Variants in ADCY1 observed in about 807,000 individuals in gnomAD.
ADCY1 encodes adenylate cyclase 1, also known as adenylate cyclase type 1.
ADCY1 carries 28 observed loss-of-function variants against 105.4 expected under a neutral mutation model. The ratio of observed to expected loss-of-function variants is 0.27; its 90% CI spans 0.20 to 0.36. The LOEUF (loss-of-function observed/expected upper bound fraction) is 0.36. Ranked by LOEUF, ADCY1 falls within the 10% of genes least tolerant of loss-of-function variation. ADCY1 has a pLI of 1.00. For missense variants in ADCY1, 977 were observed against 1,434.2 expected (o/e 0.68, Z 5.15); for synonymous variants, 655 against 623.8 (o/e 1.05, Z -0.75).
At position 45,657,899 on chromosome 7, in the gene ADCY1, G is replaced by GT. The variant is rs1794985174; in HGVS notation, c.1307+14_1307+15insT. The GT allele has an allele frequency of 1.4e-5, 22 of 1,578,960 alleles. No individual in the cohort carries two copies. The highest frequency in any genetic ancestry group is 1.6e-5 in the Non-Finnish European group (19 of 1,156,550). On this transcript the variant is annotated intron_variant, in intron 6 of 19. Coordinates refer to ENST00000297323, the MANE Select transcript of ADCY1 (RefSeq NM_021116.4). ...TGGCCTGCCAGGGTAAGTCGGGGAT[G>GT]GGGTGGGGAGGGGAGGGAGGTGGGT...
rs1324372712 is a variant in ADCY1, at chr7:45,718,013, T to G, written c.*4018T>G. The G allele has an allele frequency of 6.6e-6, 1 of 152,386 alleles. No homozygotes were observed. Among genetic ancestry groups the G allele is most frequent in the Non-Finnish European group, 1.5e-5 (1 of 68,068 alleles). 9.4% of individuals were successfully genotyped at this position (152,386 alleles called of 1,614,324 possible). On this transcript the variant is annotated 3_prime_UTR_variant, in exon 20 of 20. Coordinates refer to ENST00000297323, the MANE Select transcript of ADCY1 (RefSeq NM_021116.4). ...GCGGGGAGCTGCCACTCCCAAAGCC[T>G]CCACCCCTTCCTGAAGACCCAGCTA...
At chr7:45,690,446 C>T (rs116579199) in intron 14 of ADCY1, among the ~76,000 whole-genome samples, 180 of 152,296 alleles carry the variant, frequency 1.2e-3, no homozygotes, top group African/African-American at 3.8e-3. Context: ...AGCCGGGAGA[C>T]GCAGCCAGTC....
At chr7:45,582,976 C>A (rs564218281) in intron 1 of ADCY1, among the ~76,000 whole-genome samples, 83 of 152,340 alleles carry the variant, frequency 5.4e-4, no homozygotes, top group Non-Finnish European at 6.0e-4. Flanking sequence ...GCTTTGATCT[C>A]CAGGCTTTAG....
At chr7:45,698,391 C>T (rs571800909) in intron 14 of ADCY1, among the ~76,000 whole-genome samples, 2 of 152,322 alleles carry the variant, frequency 1.3e-5, no homozygotes, top group South Asian at 4.1e-4. Flanking sequence ...AATCACATTT[C>T]TCCTCATGAA....
intron 14 of ADCY1, among the ~76,000 whole-genome samples, chr7:45,694,431 A>G (rs894830491): frequency 2.6e-5 from 4 of 152,210 alleles, no homozygotes; most frequent in Non-Finnish European, 4.4e-5. Flanking sequence ...ATGAAACTAC[A>G]TATGAGATCA....
intron 2 of ADCY1, 80 bp from the exon 3 acceptor site, chr7:45,610,299 C>G: frequency 7.6e-7 from 1 of 1,319,960 alleles, no homozygotes; most frequent in East Asian, 2.3e-5. Context: ...GGCCCGGCGC[C>G]CTTACTGGGG....
At chr7:45,635,017 A>G (rs1365851627) in intron 4 of ADCY1, among the ~76,000 whole-genome samples, 4 of 152,128 alleles carry the variant, frequency 2.6e-5, no homozygotes, top group African/African-American at 2.4e-5. Context: ...TAGAAATGGT[A>G]TTCTTTCTTT....
chr7:45,610,101 C>G (rs1349177011), intron 2 of ADCY1, among the ~76,000 whole-genome samples: 1 of 152,178 alleles, frequency 6.6e-6, no homozygotes, highest in Non-Finnish European at 1.5e-5. Flanking sequence ...AGTGTTTTCA[C>G]AGCTGTAACC....
chr7:45,659,366 A>G (rs1009746504), intron 6 of ADCY1, among the ~76,000 whole-genome samples: 2 of 152,214 alleles, frequency 1.3e-5, no homozygotes, highest in African/African-American at 4.8e-5. Context: ...TTTGCAGGGA[A>G]TGGTTTTGGA....
chr7:45,586,002 C>T (rs931969527), intron 1 of ADCY1, among the ~76,000 whole-genome samples: 2 of 152,196 alleles, frequency 1.3e-5, no homozygotes, highest in Admixed American at 6.5e-5. Flanking sequence ...ACGTGGGGAG[C>T]GGACTGTCTT....
Position 45,708,296 on chromosome 7 carries a change from C to A in ADCY1, c.2818-54C>A. ...TTGGGCACTGCAGGTTGGTCCCTGGCCCCCTCTTGCCTTGCACTCCCCAGA... is the reference window on the plus strand; with the variant it reads ...TTGGGCACTGCAGGTTGGTCCCTGGACCCCTCTTGCCTTGCACTCCCCAGA... On this transcript the variant is annotated intron_variant, in intron 17 of 19. Transcript: ENST00000297323. The surrounding 1 kb of genome is among the most constrained non-coding windows in gnomAD (Gnocchi z 4.7). 1 of 1,356,056 alleles carries A rather than the reference C, an allele frequency of 7.4e-7. No homozygotes were observed. Among genetic ancestry groups the A allele is most frequent in the Non-Finnish European group, 1.1e-6 (1 of 951,184 alleles). The allele number at this position is 1,356,056 out of a possible 1,614,324, so 84.0% of individuals were successfully genotyped here.
At chr7:45,657,920 T>TGGTTGGG in intron 6 of ADCY1, 35 bp downstream of exon 6, 2 of 460,304 alleles carry the variant, frequency 4.3e-6, no homozygotes, top group Non-Finnish European at 8.2e-6. Context: ...GGGAGGGAGG[T>TGGTTGGG]GGGTGATGGC....
At chr7:45,586,808 C>T (rs1792741369) in intron 1 of ADCY1, among the ~76,000 whole-genome samples, 1 of 152,232 alleles carries the variant, frequency 6.6e-6, no homozygotes, top group Non-Finnish European at 1.5e-5. Flanking sequence ...GGGAATTTAC[C>T]AATGAGAACA....
At chr7:45,633,866 C>G (rs568042436) in intron 4 of ADCY1, among the ~76,000 whole-genome samples, 2 of 150,164 alleles carry the variant, frequency 1.3e-5, no homozygotes, top group East Asian at 3.9e-4. Flanking sequence ...TAGCAAAAAC[C>G]ACAATTACTT....
chr7:45,654,225 A>T (rs1035785483), intron 5 of ADCY1, among the ~76,000 whole-genome samples: 4 of 152,178 alleles, frequency 2.6e-5, no homozygotes, highest in Non-Finnish European at 4.4e-5. Context: ...TGTCCACTTC[A>T]TGGGGGAAGC....
At chr7:45,693,274 A>G (rs1330852819) in intron 14 of ADCY1, among the ~76,000 whole-genome samples, 1 of 149,752 alleles carries the variant, frequency 6.7e-6, no homozygotes, top group Non-Finnish European at 1.5e-5. Flanking sequence ...ATGTTCATCA[A>G]GGATATTGGT....
intron 2 of ADCY1, among the ~76,000 whole-genome samples, chr7:45,604,821 A>G (rs951313033): frequency 1.5e-4 from 23 of 152,054 alleles, no homozygotes; most frequent in African/African-American, 5.3e-4. Context: ...TTTCCTTTAT[A>G]TTTAAGTGTT....
At chr7:45,682,490 G>A (rs527917922) in intron 11 of ADCY1, among the ~76,000 whole-genome samples, 42 of 152,182 alleles carry the variant, frequency 2.8e-4, no homozygotes, top group African/African-American at 8.7e-4. Flanking sequence ...GGGGCAGGCC[G>A]AGGTCAAGGC....
chr7:45,660,197 C>T lies in ADCY1; in HGVS notation c.1449+14C>T, dbSNP rs957380931. ...CATCGCCGAAAGGTAGGCACCAGAG[C>T]CCCCCTCATTTGGTTGATCCTTAGC... is the stretch of plus-strand genomic sequence containing the variant. On this transcript the variant is annotated intron_variant, in intron 7 of 19. Coordinates refer to ENST00000297323, the MANE Select transcript of ADCY1 (RefSeq NM_021116.4). 36 of 1,613,666 alleles carry T rather than the reference C, an allele frequency of 2.2e-5. No homozygotes were observed. Among genetic ancestry groups the T allele is most frequent in the Non-Finnish European group, 2.5e-5 (30 of 1,179,782 alleles).
Sources: gnomAD v4.1 joint callset for allele counts (sites outside exome capture counted in the v4.1 genomes callset) on GRCh38, gnomAD v4.1.1 for gene constraint, Gnocchi (gnomAD v3.1) non-coding constraint, MANE v1.5 for transcripts, NCBI Gene and HGNC (gene_info 2026-07-23, HGNC 2026-07-21) for gene names.